Variants in ANK3 observed in about 807,000 individuals in gnomAD.
ANK3 encodes ankyrin 3.
A neutral mutation model predicts 370.9 loss-of-function variants in ANK3; 57 were observed. That is an observed-to-expected ratio of 0.15 (90% confidence interval 0.12 to 0.19). The LOEUF is 0.19. Among genes scored for constraint, ANK3 ranks in the 10% least tolerant of loss-of-function variants. ANK3 has a pLI of 1.00. For synonymous variants in ANK3, 1,929 were observed against 1,946.3 expected, an observed-to-expected ratio of 0.99 and a Z score of 0.23; for missense variants, 4,439 against 5,302.1, an observed-to-expected ratio of 0.84 and a Z score of 5.06.
At chr10:60,370,720 A>G (rs1466254304) in intron 1 of ANK3, among the ~76,000 whole-genome samples, 1 of 152,144 alleles carries the variant, frequency 6.6e-6, no homozygotes, top group African/African-American at 2.4e-5. Context: ...ACACTTCTCA[A>G]AATTATTCAG....
chr10:60,038,847 C>CT (rs961198086), intron 43 of ANK3, among the ~76,000 whole-genome samples: 2 of 152,140 alleles, frequency 1.3e-5, no homozygotes, highest in Non-Finnish European at 2.9e-5. Context: ...TATGTTAGGC[C>CT]TTTTCCCACC....
At chr10:60,154,175 A>G (rs1345286664) in intron 23 of ANK3, among the ~76,000 whole-genome samples, 4 of 152,242 alleles carry the variant, frequency 2.6e-5, no homozygotes, top group Non-Finnish European at 5.9e-5. Flanking sequence ...GCTAAATGAT[A>G]TAAGAGGTTC....
chr10:60,198,400 C>T lies in ANK3; in HGVS notation c.1629G>A (p.Gly543=). 6.2e-7 allele frequency: 1 copy of T among 1,614,200 alleles called. No homozygotes were observed. Among genetic ancestry groups the T allele is most frequent in the South Asian group, 1.1e-5 (1 of 91,086 alleles). ...YTPLHLSARE[G]HEDVAAFLLD... ...AAAGGAACGCGGCCACATCCTCATG[C>T]CCCTCTCGGGCGGAAAGGTGAAGTG... Residue 543 remains glycine (G), a synonymous_variant, in exon 14 of 44, where the codon GGG becomes GGA. Coordinates refer to ENST00000280772, the MANE Select transcript of ANK3 (RefSeq NM_020987.5).
intron 2 of ANK3, among the ~76,000 whole-genome samples, chr10:60,446,449 T>A (rs1009366801): frequency 6.6e-5 from 10 of 152,312 alleles, no homozygotes; most frequent in African/African-American, 2.2e-4. Flanking sequence ...ATCTTTTTAT[T>A]CCTACAGTCA....
intron 41 of ANK3, among the ~76,000 whole-genome samples, chr10:60,056,854 T>C (rs1488495914): frequency 1.3e-5 from 2 of 152,032 alleles, no homozygotes; most frequent in Non-Finnish European, 2.9e-5. Context: ...TAAAACCATG[T>C]CTCTACCAAA....
chr10:60,331,934 T>C (rs1160943136), intron 1 of ANK3, among the ~76,000 whole-genome samples: 5 of 151,940 alleles, frequency 3.3e-5, no homozygotes, highest in Non-Finnish European at 7.4e-5. Flanking sequence ...TTGATTCTTT[T>C]CTCCCTTTAA....
chr10:60,688,775 C>T lies in ANK3; in HGVS notation c.57+44488G>A, dbSNP rs566184296. Among the ~76,000 whole-genome samples the T allele has an allele frequency of 1.9e-3, 294 of 151,842 alleles. 1 individual carries two copies. Among genetic ancestry groups the T allele is most frequent in the African/African-American group, 6.3e-3 (260 of 41,430 alleles). Reference sequence around the variant, plus strand: ...CATCCTGGCTAACATGGTGAAACCCCGTCTCTACTAAAAATACAAAAAATC... The same window carrying T: ...CATCCTGGCTAACATGGTGAAACCCTGTCTCTACTAAAAATACAAAAAATC... On this transcript the variant is annotated intron_variant, in intron 1 of 43. Coordinates refer to the ANK3 transcript ENST00000373827.
rs1402908855 is a variant in ANK3 at position 60,335,051 on chromosome 10, TTCAAC to T, written c.114+54369_114+54373del. On this transcript the variant is annotated intron_variant, in intron 1 of 43. Coordinates refer to ENST00000280772, the MANE Select transcript of ANK3 (RefSeq NM_020987.5). ...TTGACACTGGGGCTAGGTCCTCTAT[TTCAAC>T]TTACACCATGTTGAGAAAATGGATT... Among the ~76,000 whole-genome samples, 5 of 152,138 alleles carry T rather than the reference TTCAAC, an allele frequency of 3.3e-5. No individual in the cohort carries two copies. In the East Asian group the frequency reaches 9.6e-4, roughly 29 times the overall value.
chr10:60,033,146 T>A (rs1182705927), intron 43 of ANK3, among the ~76,000 whole-genome samples: 1 of 152,152 alleles, frequency 6.6e-6, no homozygotes, highest in Non-Finnish European at 1.5e-5. Flanking sequence ...AGAAACTAAA[T>A]CAGAAAACCA....
intron 7 of ANK3, among the ~76,000 whole-genome samples, chr10:60,236,027 T>C (rs542399006): frequency 1.3e-5 from 2 of 152,256 alleles, no homozygotes; most frequent in South Asian, 4.1e-4. Flanking sequence ...AAAAACACAA[T>C]AATGAAAAGT....
At chr10:60,043,286 A>G (rs1231478646) in intron 42 of ANK3, 1 of 985,394 alleles carries the variant, frequency 1.0e-6, no homozygotes, top group Non-Finnish European at 1.2e-6. Context: ...CCCGAGAGCA[A>G]GGTTGTGGCA....
chr10:60,197,154 C>A (rs4948256), intron 14 of ANK3, among the ~76,000 whole-genome samples: 28,269 of 152,194 alleles, frequency 0.19, 3,277 homozygotes, highest in East Asian at 0.38. Flanking sequence ...TATGTGTCCT[C>A]TAGTCTTCAG....
rs1564745997 is a variant in ANK3, at chr10:60,068,945, C to CTGGTGGTGGTGGTAGTGGTGG, written c.11915_11935dup (p.Thr3972_Thr3978dup). The CTGGTGGTGGTGGTAGTGGTGG allele has an allele frequency of 6.2e-7, 1 of 1,613,898 alleles. No homozygotes were observed. The highest frequency in any genetic ancestry group is 1.1e-5 in the South Asian group (1 of 91,066). On this transcript the variant is annotated inframe_insertion, in exon 37 of 44. Coordinates refer to ENST00000280772, the MANE Select transcript of ANK3 (RefSeq NM_020987.5). ...ACTTTTCCTAACTTTAACTGTGCAG[C>CTGGTGGTGGTGGTAGTGGTGG]TGGTGGTGGTGGTAGTGGTGGTAGT... is the stretch of plus-strand genomic sequence containing the variant.
At chr10:60,216,258 C>A (rs868812878) in intron 8 of ANK3, among the ~76,000 whole-genome samples, 3 of 152,128 alleles carry the variant, frequency 2.0e-5, no homozygotes, top group Non-Finnish European at 2.9e-5. Flanking sequence ...TATGCTATTT[C>A]TTTCCCTTGA....
chr10:60,532,382 A>C lies in ANK3; in HGVS notation c.96+82804T>G, dbSNP rs912984936. On this transcript the variant is annotated intron_variant, in intron 2 of 43. Transcript: ENST00000373827. ...ACCTGGTAGCAGCTACATTTGGTTG[A>C]GTCCTATCTAAATTGAGTGGCAAGG... Among the ~76,000 whole-genome samples, 41 of 152,226 alleles carry C rather than the reference A, an allele frequency of 2.7e-4. 1 individual carries two copies. The highest frequency in any genetic ancestry group is 9.9e-4 in the African/African-American group (41 of 41,554).
chr10:60,473,889 G>C (rs1483530282), intron 2 of ANK3, among the ~76,000 whole-genome samples: 1 of 149,716 alleles, frequency 6.7e-6, no homozygotes, highest in East Asian at 2.0e-4. Flanking sequence ...CAGTACTTTG[G>C]AAGGCCAAGA....
At chr10:60,365,039 A>G (rs1211555996) in intron 1 of ANK3, among the ~76,000 whole-genome samples, 1 of 128,736 alleles carries the variant, frequency 7.8e-6, no homozygotes, top group Non-Finnish European at 1.8e-5. Context: ...ATTCCAAGTC[A>G]AGGCTTTGGC....
intron 36 of ANK3, 75 bp from the exon 37 acceptor site, chr10:60,076,523 A>T: frequency 6.7e-7 from 1 of 1,485,100 alleles, no homozygotes; most frequent in Non-Finnish European, 8.9e-7. Flanking sequence ...AGACCAGAGA[A>T]AAAAATTGGT....
chr10:60,130,548 T>C (rs1441869124), intron 25 of ANK3, among the ~76,000 whole-genome samples: 1 of 152,232 alleles, frequency 6.6e-6, no homozygotes, highest in Admixed American at 6.5e-5. Context: ...TGAAAACTTC[T>C]TTCACGCTTT....
Sources: allele counts gnomAD v4.1 joint callset (sites outside exome capture counted in the v4.1 genomes callset), GRCh38; gene constraint gnomAD v4.1.1; transcripts MANE v1.5; gene names NCBI Gene and HGNC (gene_info 2026-07-23, HGNC 2026-07-21).